Variants in BPIFB2 observed in about 807,000 individuals in gnomAD.
BPIFB2 encodes BPI fold-containing family B member 2.
Under a neutral mutation model 50.1 loss-of-function variants are expected in BPIFB2, and 39 were observed. That is an observed-to-expected ratio of 0.78 (90% CI 0.60 to 1.02). The LOEUF is 1.02. Among genes scored for constraint, BPIFB2 ranks in the 50% least tolerant of loss-of-function variants. The pLI is 0.00. For synonymous variants in BPIFB2, 280 were observed against 256.3 expected (o/e 1.09, Z -0.88); for missense variants, 574 against 585.8 (o/e 0.98, Z 0.21).
intron 6 of BPIFB2, 88 bp downstream of exon 6, chr20:33,015,584 T>C: frequency 8.5e-7 from 1 of 1,174,480 alleles, no homozygotes; most frequent in Non-Finnish European, 1.2e-6. Context: ...AGGCAGGGGG[T>C]ACTTTGCTTG....
At chr20:33,019,224 C>A in intron 10 of BPIFB2, 109 bp downstream of exon 10, 2 of 1,382,358 alleles carry the variant, frequency 1.4e-6, no homozygotes, top group Non-Finnish European at 2.1e-6. Context: ...TGAAGTTCAG[C>A]ATCTGTCCTT....
chr20:33,020,800 C>G (rs1254811238), intron 13 of BPIFB2, among the ~76,000 whole-genome samples: 1 of 152,202 alleles, frequency 6.6e-6, no homozygotes, highest in Non-Finnish European at 1.5e-5. Flanking sequence ...AGCCCTCACC[C>G]CAAAAGTCCA....
rs1990260544 is a variant in BPIFB2, at chr20:33,009,678, A to G, written c.109+995A>G. Reference sequence around the variant, plus strand: ...GAGCATGACATGGAGCCATTCATGGATGCCTGCAGGTAGGGCCATGAGGCC... The same window carrying G: ...GAGCATGACATGGAGCCATTCATGGGTGCCTGCAGGTAGGGCCATGAGGCC... On this transcript the variant is annotated intron_variant, in intron 2 of 15. Coordinates refer to ENST00000170150, the MANE Select transcript of BPIFB2 (RefSeq NM_025227.3). This position sits in a 1 kb window ranked among gnomAD's most constrained non-coding sequence, Gnocchi z 4.2. Among the ~76,000 whole-genome samples, 1 of 152,198 alleles carries G rather than the reference A, an allele frequency of 6.6e-6. No homozygotes were observed. Among genetic ancestry groups the G allele is most frequent in the South Asian group, 2.1e-4 (1 of 4,836 alleles).
At chr20:33,010,129 G>A (rs1990265560) in intron 2 of BPIFB2, among the ~76,000 whole-genome samples, 1 of 151,984 alleles carries the variant, frequency 6.6e-6, no homozygotes. Context: ...CTCATTTGAA[G>A]CTCCCTTCCA....
intron 3 of BPIFB2, 25 bp from the exon 4 acceptor site, chr20:33,012,778 T>A: frequency 1.3e-6 from 2 of 1,576,788 alleles, no homozygotes; most frequent in Non-Finnish European, 1.7e-6. Context: ...GGGGCCACTC[T>A]GTCACCTTGA....
intron 5 of BPIFB2, among the ~76,000 whole-genome samples, chr20:33,014,939 C>T (rs1260081249): frequency 1.3e-5 from 2 of 152,124 alleles, no homozygotes; most frequent in East Asian, 1.9e-4. Context: ...TGGCTTGGAT[C>T]GACATTTTTG....
intron 3 of BPIFB2, 47 bp downstream of exon 3, chr20:33,011,164 A>C (rs1049453493): frequency 6.4e-7 from 1 of 1,572,556 alleles, no homozygotes; most frequent in African/African-American, 1.4e-5. Context: ...CACCAAGTGG[A>C]GTGTTCCTGC....
In BPIFB2 at chr20:33,011,130, CT is replaced by C; in HGVS notation, c.203+14del. The C allele has an allele frequency of 1.9e-6, 3 of 1,611,120 alleles. No individual in the cohort carries two copies. The highest frequency in any genetic ancestry group is 2.5e-6 in the Non-Finnish European group (3 of 1,177,560). Reference sequence around the variant, plus strand: ...TTCAGCCCACCAGGTGAGTGCTCCCCTCCTCCAGAGAAGGTGCTCCTGCCAC... The same window carrying C: ...TTCAGCCCACCAGGTGAGTGCTCCCCCCTCCAGAGAAGGTGCTCCTGCCAC... On this transcript the variant is annotated intron_variant, in intron 3 of 15. Transcript: ENST00000170150.
At chr20:33,015,817 G>A (rs1288734357) in intron 6 of BPIFB2, among the ~76,000 whole-genome samples, 1 of 152,098 alleles carries the variant, frequency 6.6e-6, no homozygotes, top group East Asian at 1.9e-4. Context: ...AAGACAGAAC[G>A]AGAGTGAACG....
intron 4 of BPIFB2, 150 bp downstream of exon 4, chr20:33,013,057 A>C: frequency 1.6e-6 from 1 of 625,296 alleles, no homozygotes; most frequent in Middle Eastern, 4.4e-4. Flanking sequence ...TCACGCTTGG[A>C]GGGGAGCAAG....
At position 33,019,126 on chromosome 20, in the gene BPIFB2, T is replaced by C. The variant is rs1049742511; in HGVS notation, c.909+11T>C. The C allele has an allele frequency of 1.2e-5, 19 of 1,613,900 alleles. No homozygotes were observed. Among genetic ancestry groups the C allele is most frequent in the African/African-American group, 1.1e-4 (8 of 74,862 alleles). ...CGGCTCATCCCGGAGGTCGGTGATG[T>C]TTCTGATCATTCCAGGGACTGAGAC... On this transcript the variant is annotated intron_variant, in intron 10 of 15. Coordinates refer to ENST00000170150, the MANE Select transcript of BPIFB2 (RefSeq NM_025227.3).
At position 33,008,653 on chromosome 20, in the gene BPIFB2, G is replaced by T; in HGVS notation, c.79G>T (p.Val27Phe). The T allele has an allele frequency of 6.2e-7, 1 of 1,607,334 alleles. No homozygotes were observed. Reference sequence around the variant, plus strand: ...CGGTGCCTCCACGCCAGGCACCGTGGTCCGACTCAACAAGGCAGCATTGAG... The same window carrying T: ...CGGTGCCTCCACGCCAGGCACCGTGTTCCGACTCAACAAGGCAGCATTGAG... Reference protein sequence around the residue: ...VVGASTPGTVVRLNKAALSYV... With the variant: ...VVGASTPGTVFRLNKAALSYV... Residue 27 changes from valine (V) to phenylalanine (F), a missense_variant, in exon 2 of 16, where the codon GTC (valine) becomes TTC (phenylalanine). Val to Phe is a conservative substitution (Grantham distance 50). Coordinates refer to ENST00000170150, the MANE Select transcript of BPIFB2 (RefSeq NM_025227.3).
At chr20:33,012,266 C>T (rs529357211) in intron 3 of BPIFB2, among the ~76,000 whole-genome samples, 1 of 152,178 alleles carries the variant, frequency 6.6e-6, no homozygotes, top group Admixed American at 6.5e-5. Flanking sequence ...TTTGTAGACA[C>T]AGGATTGAAC....
At chr20:33,012,220 C>T (rs1162123035) in intron 3 of BPIFB2, among the ~76,000 whole-genome samples, 1 of 152,174 alleles carries the variant, frequency 6.6e-6, no homozygotes, top group Admixed American at 6.5e-5. Context: ...CAATGGACAC[C>T]ATGGGGCTGT....
rs752575796 is a variant in BPIFB2 at position 33,013,796 on chromosome 20, T to C, written c.309-14T>C. ...GGGCGGTGCTGCTCGGGCTCAGGAC[T>C]GGCATCCCTACAGCGCCCCAGAGCC... On this transcript the variant is annotated splice_polypyrimidine_tract_variant and intron_variant, in intron 4 of 15. Transcript: ENST00000170150. The C allele has an allele frequency of 3.1e-6, 5 of 1,610,782 alleles. No individual in the cohort carries two copies. The highest frequency in any genetic ancestry group is 2.2e-5 in the South Asian group (2 of 90,946).
Position 33,019,043 on chromosome 20 carries a change from C to T in BPIFB2, c.856-19C>T. 1 of 1,614,140 alleles carries T rather than the reference C, an allele frequency of 6.2e-7. No individual in the cohort carries two copies. Among genetic ancestry groups the T allele is most frequent in the African/African-American group, 1.3e-5 (1 of 75,022 alleles). ...GCAGCTGTCCTAAAACCTGTTGTGG[C>T]CTGGGGTGCTGATTTCAGAGGTCGG... On this transcript the variant is annotated intron_variant, in intron 9 of 15. Coordinates refer to ENST00000170150, the MANE Select transcript of BPIFB2 (RefSeq NM_025227.3).
chr20:33,018,624 C>T lies in BPIFB2; in HGVS notation c.670-13C>T, dbSNP rs371034992. The T allele has an allele frequency of 1.8e-5, 28 of 1,594,602 alleles. No individual in the cohort carries two copies. Among genetic ancestry groups the T allele is most frequent in the Non-Finnish European group, 2.3e-5 (27 of 1,168,942 alleles). ...TGCTGCTTTTCTCCCACTTCCCCCTCCCACCCCTACAGGCTGTTCTCTTCC... is the reference window on the plus strand; with the variant it reads ...TGCTGCTTTTCTCCCACTTCCCCCTTCCACCCCTACAGGCTGTTCTCTTCC... On this transcript the variant is annotated splice_polypyrimidine_tract_variant and intron_variant, in intron 8 of 15. Coordinates refer to ENST00000170150, the MANE Select transcript of BPIFB2 (RefSeq NM_025227.3).
intron 11 of BPIFB2, 83 bp downstream of exon 11, chr20:33,019,833 C>T (rs558686597): frequency 2.1e-6 from 3 of 1,416,466 alleles, no homozygotes; most frequent in East Asian, 2.4e-5. Context: ...CATCTTTGCT[C>T]TACTCACACT....
rs940301865 is a variant in BPIFB2 at position 33,019,198 on chromosome 20, T to C, written c.909+83T>C. ...TCTGGGTCATGGGATCTCTGCTGGC[T>C]CTTATCTGTCCCAAGTGAAGTTCAG... On this transcript the variant is annotated intron_variant, in intron 10 of 15. Coordinates refer to ENST00000170150, the MANE Select transcript of BPIFB2 (RefSeq NM_025227.3). 2.0e-6 allele frequency: 3 copies of C among 1,532,612 alleles called. No homozygotes were observed. The African/African-American group carries it at 4.1e-5, about 21-fold the overall frequency. 94.9% of individuals were successfully genotyped at this position (1,532,612 alleles called of 1,614,324 possible). A position where few individuals can be genotyped will look rare whatever the true frequency, so the allele number is the denominator to read the frequency against.
Sources: gnomAD v4.1 joint callset for allele counts (sites outside exome capture counted in the v4.1 genomes callset) on GRCh38, gnomAD v4.1.1 for gene constraint, Gnocchi (gnomAD v3.1) non-coding constraint, MANE v1.5 for transcripts, NCBI Gene and HGNC (gene_info 2026-07-23, HGNC 2026-07-21) for gene names.